Variants in DLG2 observed in about 807,000 individuals in gnomAD.
The protein encoded by DLG2 is discs large MAGUK scaffold protein 2.
In DLG2, 45 loss-of-function variants were observed where a neutral mutation model predicts 132.5. That is an observed-to-expected ratio of 0.34 (90% CI 0.27 to 0.44). The LOEUF is 0.44. DLG2 is among the 20% of genes least tolerant of loss of function. The pLI is 1.00. For missense variants in DLG2, 1,045 were observed against 1,196.9 expected (o/e 0.87, Z 1.87); for synonymous variants, 424 against 419.6 (o/e 1.01, Z -0.13).
At chr11:83,534,053 C>T (rs149774271) in intron 20 of DLG2, among the ~76,000 whole-genome samples, 3 of 152,248 alleles carry the variant, frequency 2.0e-5, no homozygotes, top group Non-Finnish European at 4.4e-5. Context: ...ATTGGGTGGA[C>T]TCCCGCCTGT....
At chr11:85,457,746 AT>A (rs1019289204) in intron 3 of DLG2, among the ~76,000 whole-genome samples, 2 of 152,198 alleles carry the variant, frequency 1.3e-5, no homozygotes, top group African/African-American at 4.8e-5. Context: ...TTCCTTAAGA[AT>A]GCTTAATATA....
chr11:83,486,186 A>G (rs1373561420), intron 21 of DLG2: 1 of 679,710 alleles, frequency 1.5e-6, no homozygotes, highest in Admixed American at 2.3e-5. Flanking sequence ...AAAGAATACT[A>G]AATATTCTTG....
chr11:84,277,857 C>T (rs193190214), intron 7 of DLG2, among the ~76,000 whole-genome samples: 1 of 152,108 alleles, frequency 6.6e-6, no homozygotes, highest in East Asian at 1.9e-4. Context: ...GACATCCCTG[C>T]CAATCCTACA....
chr11:84,562,637 A>G (rs1373728886), intron 6 of DLG2, among the ~76,000 whole-genome samples: 1 of 152,166 alleles, frequency 6.6e-6, no homozygotes, highest in Non-Finnish European at 1.5e-5. Flanking sequence ...CCTCCAAGCA[A>G]CTGCTATAGT....
intron 7 of DLG2, among the ~76,000 whole-genome samples, chr11:84,339,153 T>C (rs946038397): frequency 1.8e-4 from 28 of 152,300 alleles, no homozygotes; most frequent in African/African-American, 6.5e-4. Context: ...CTTATTTCCC[T>C]AGCCTTCTCT....
intron 18 of DLG2, among the ~76,000 whole-genome samples, chr11:83,672,829 G>C (rs1410706621): frequency 6.6e-6 from 1 of 152,146 alleles, no homozygotes; most frequent in South Asian, 2.1e-4. Flanking sequence ...TTGGGAGGCC[G>C]AGGCGGGTGA....
intron 6 of DLG2, among the ~76,000 whole-genome samples, chr11:84,750,781 C>A (rs1206320279): frequency 6.6e-6 from 1 of 152,068 alleles, no homozygotes; most frequent in Non-Finnish European, 1.5e-5. Flanking sequence ...CAAATCACAT[C>A]TGGAATGGAT....
chr11:85,330,974 C>T (rs546021634), intron 3 of DLG2, among the ~76,000 whole-genome samples: 8 of 151,996 alleles, frequency 5.3e-5, no homozygotes, highest in Admixed American at 2.6e-4. Flanking sequence ...AAATGAATCA[C>T]GGTAACATGC....
chr11:85,261,029 T>C (rs1399741211), intron 4 of DLG2, among the ~76,000 whole-genome samples: 1 of 152,158 alleles, frequency 6.6e-6, no homozygotes, highest in Non-Finnish European at 1.5e-5. Flanking sequence ...CATGGGTGCA[T>C]CTGGCTGGGG....
At chr11:83,821,391 T>C (rs373227695) in intron 17 of DLG2, among the ~76,000 whole-genome samples, 22 of 152,268 alleles carry the variant, frequency 1.4e-4, no homozygotes, top group African/African-American at 4.8e-4. Flanking sequence ...GATAAGATGA[T>C]ACTTGGAATT....
chr11:84,352,999 C>T (rs1350762023), intron 7 of DLG2, among the ~76,000 whole-genome samples: 2 of 152,138 alleles, frequency 1.3e-5, no homozygotes, highest in African/African-American at 4.8e-5. Flanking sequence ...CAAGTTCTCC[C>T]ATTACACTAG....
chr11:85,469,477 T>G (rs1210155682), intron 3 of DLG2: 1 of 152,224 alleles, frequency 6.6e-6, no homozygotes, highest in Non-Finnish European at 1.5e-5. Flanking sequence ...GCCATTGGAT[T>G]GTAGGGCTTT....
intron 6 of DLG2, among the ~76,000 whole-genome samples, chr11:84,691,643 TA>T (rs1179006403): frequency 1.3e-5 from 2 of 151,660 alleles, no homozygotes; most frequent in East Asian, 3.9e-4. Flanking sequence ...ATATTGTTAT[TA>T]ATTCAGTTTA....
At chr11:85,096,858 G>C (rs759745912) in intron 6 of DLG2, among the ~76,000 whole-genome samples, 2 of 152,126 alleles carry the variant, frequency 1.3e-5, no homozygotes, top group African/African-American at 2.4e-5. Context: ...AAAGACACGG[G>C]TGTCAGGCTA....
chr11:83,902,528 T>G (rs2073756586), intron 15 of DLG2, among the ~76,000 whole-genome samples: 1 of 152,130 alleles, frequency 6.6e-6, no homozygotes, highest in Non-Finnish European at 1.5e-5. Flanking sequence ...GATAAGTGAT[T>G]TTAAATCATG....
At chr11:84,701,610 C>CT (rs1250012477) in intron 6 of DLG2, among the ~76,000 whole-genome samples, 1 of 151,558 alleles carries the variant, frequency 6.6e-6, no homozygotes, top group African/African-American at 2.4e-5. Context: ...AGTGTTTGAG[C>CT]TCCCCCAACC....
intron 9 of DLG2, among the ~76,000 whole-genome samples, chr11:84,131,248 A>C (rs976279573): frequency 2.0e-5 from 3 of 152,034 alleles, no homozygotes; most frequent in Admixed American, 2.0e-4. Context: ...CAGGGAAGAC[A>C]GGTCAGTGAA....
intron 9 of DLG2, among the ~76,000 whole-genome samples, chr11:84,135,813 T>C (rs1184192419): frequency 1.3e-5 from 2 of 152,042 alleles, no homozygotes; most frequent in Non-Finnish European, 2.9e-5. Flanking sequence ...TAATGAGTAT[T>C]ATGGTTTATT....
chr11:85,042,923 T>C (rs2061998570), intron 6 of DLG2, among the ~76,000 whole-genome samples: 2 of 152,058 alleles, frequency 1.3e-5, no homozygotes, highest in East Asian at 1.9e-4. Context: ...ATTATATTTT[T>C]GTATCTACTG....
Sources: gnomAD v4.1 joint callset for allele counts (sites outside exome capture counted in the v4.1 genomes callset) on GRCh38, gnomAD v4.1.1 for gene constraint, MANE v1.5 for transcripts, NCBI Gene and HGNC (gene_info 2026-07-23, HGNC 2026-07-21) for gene names.